The following NUTF2 variants were observed in gnomAD, a reference collection of about 807,000 sequenced individuals.
NUTF2 encodes the protein nuclear transport factor 2, also known as placental protein 15.
A neutral mutation model predicts 18.5 loss-of-function variants in NUTF2; 3 were observed. The ratio of observed to expected loss-of-function variants is 0.16; its 90% CI spans 0.07 to 0.42. The LOEUF is 0.42. Ranked by LOEUF, NUTF2 falls within the 10% of genes least tolerant of loss-of-function variation. The pLI is 0.99. For missense variants in NUTF2, 44 were observed against 160.7 expected, an observed-to-expected ratio of 0.27 and a Z score of 3.93; for synonymous variants, 51 against 57.9, an observed-to-expected ratio of 0.88 and a Z score of 0.54.
intron 1 of NUTF2, among the ~76,000 whole-genome samples, chr16:67,856,448 C>T (rs1275438912): frequency 1.3e-5 from 2 of 151,412 alleles, no homozygotes; most frequent in African/African-American, 4.9e-5. Context: ...CCTCGGCCTC[C>T]CAAAGTGCTG....
chr16:67,847,742 C>G (rs2057817185), intron 1 of NUTF2: 1 of 152,514 alleles, frequency 6.6e-6, no homozygotes, highest in Non-Finnish European at 1.5e-5. Context: ...CAGCCCACGC[C>G]CTTCTCTATC....
In NUTF2 at chr16:67,871,839, T is replaced by C. The variant is rs1283190837; in HGVS notation, c.*926T>C. 1 of 152,346 alleles carries C rather than the reference T, an allele frequency of 6.6e-6. No homozygotes were observed. The highest frequency in any genetic ancestry group is 2.4e-5 in the African/African-American group (1 of 41,442). 9.4% of individuals were successfully genotyped at this position (152,346 alleles called of 1,614,324 possible). A position where few individuals can be genotyped will look rare whatever the true frequency, so the allele number is the denominator to read the frequency against. ...AGCTCAGCTCCTGTCCCATCTGCTT[T>C]GGATATCTTTACCCAAAGGCAGGTA... On this transcript the variant is annotated 3_prime_UTR_variant, in exon 5 of 5. Coordinates refer to ENST00000219169, the MANE Select transcript of NUTF2 (RefSeq NM_005796.3).
At chr16:67,857,708 A>G (rs1163015635) in intron 1 of NUTF2, among the ~76,000 whole-genome samples, 3 of 152,246 alleles carry the variant, frequency 2.0e-5, no homozygotes, top group Non-Finnish European at 4.4e-5. Flanking sequence ...GCTAGAGGCC[A>G]GGTCTTTGAG....
At chr16:67,848,066 T>G (rs1319416491) in intron 1 of NUTF2, among the ~76,000 whole-genome samples, 1 of 152,256 alleles carries the variant, frequency 6.6e-6, no homozygotes, top group Non-Finnish European at 1.5e-5. Flanking sequence ...AGGAACCTGG[T>G]TGCTTTATGA....
Position 67,872,219 on chromosome 16 carries a change from TCA to T in NUTF2, c.*1307_*1308del, listed in dbSNP as rs1457821324. ...GCTAGAACCAAACCCAAGATTTGGGTCAGTGCCCTGTTAAGGGTTTTAGGATT... is the reference window on the plus strand; with the variant it reads ...GCTAGAACCAAACCCAAGATTTGGGTGTGCCCTGTTAAGGGTTTTAGGATT... On this transcript the variant is annotated 3_prime_UTR_variant, in exon 5 of 5. Transcript: ENST00000219169. The T allele has an allele frequency of 6.6e-5, 10 of 152,170 alleles. No homozygotes were observed. The highest frequency in any genetic ancestry group is 2.4e-4 in the African/African-American group (10 of 41,406). The allele number at this position is 152,170 out of a possible 1,614,324, so 9.4% of individuals were successfully genotyped here.
chr16:67,865,719 C>CTTT (rs767485714), intron 2 of NUTF2, among the ~76,000 whole-genome samples: 2 of 136,842 alleles, frequency 1.5e-5, no homozygotes, highest in Non-Finnish European at 1.6e-5. Context: ...GCTGGCTGCT[C>CTTT]TTTTTTTTTT....
At chr16:67,857,116 A>G (rs919338610) in intron 1 of NUTF2, among the ~76,000 whole-genome samples, 1 of 152,208 alleles carries the variant, frequency 6.6e-6, no homozygotes, top group African/African-American at 2.4e-5. Context: ...AGGGGTCTCA[A>G]GCCCCATTAG....
chr16:67,865,046 T>C (rs866803714), intron 1 of NUTF2, 56 bp from the exon 2 acceptor site: 12 of 852,380 alleles, frequency 1.4e-5, no homozygotes, highest in Middle Eastern at 7.0e-4. Flanking sequence ...GGTCAGTGGC[T>C]GGTCACCTAC....
At chr16:67,868,626 A>T in intron 4 of NUTF2, 27 bp downstream of exon 4, 1 of 1,598,388 alleles carries the variant, frequency 6.3e-7, no homozygotes, top group Non-Finnish European at 8.6e-7. Flanking sequence ...AGTGGTAGGG[A>T]GGGGTGGGCA....
intron 4 of NUTF2, 25 bp from the exon 5 acceptor site, chr16:67,870,775 T>C: frequency 6.4e-7 from 1 of 1,573,048 alleles, no homozygotes; most frequent in South Asian, 1.1e-5. Context: ...ATCCCCTTAC[T>C]GAATCCTCTT....
chr16:67,869,386 G>A (rs1235035335), intron 4 of NUTF2, among the ~76,000 whole-genome samples: 1 of 150,714 alleles, frequency 6.6e-6, no homozygotes, highest in Non-Finnish European at 1.5e-5. Flanking sequence ...ATTTCTCTTT[G>A]CATTTTCCTT....
At chr16:67,863,786 T>C (rs768932309) in intron 1 of NUTF2, among the ~76,000 whole-genome samples, 7 of 152,064 alleles carry the variant, frequency 4.6e-5, no homozygotes, top group Non-Finnish European at 1.0e-4. Context: ...CAGAAAAACA[T>C]GTGGGTCTGC....
At chr16:67,850,247 C>T (rs1242465473) in intron 1 of NUTF2, among the ~76,000 whole-genome samples, 2 of 150,780 alleles carry the variant, frequency 1.3e-5, no homozygotes, top group East Asian at 3.9e-4. Context: ...CTCTGTCTCA[C>T]AGGCTGGAGT....
chr16:67,851,505 G>T (rs1384782998), intron 1 of NUTF2, among the ~76,000 whole-genome samples: 7 of 151,416 alleles, frequency 4.6e-5, no homozygotes, highest in Non-Finnish European at 1.0e-4. Context: ...CCAGAATTTT[G>T]TTTTTTTTAT....
chr16:67,858,868 A>G (rs983235434), intron 1 of NUTF2, among the ~76,000 whole-genome samples: 1 of 149,390 alleles, frequency 6.7e-6, no homozygotes, highest in African/African-American at 2.5e-5. Flanking sequence ...CTCTGCCTTC[A>G]GGACACTTTT....
intron 1 of NUTF2, among the ~76,000 whole-genome samples, chr16:67,861,284 T>C (rs1005995591): frequency 6.6e-6 from 1 of 152,366 alleles, no homozygotes; most frequent in East Asian, 1.9e-4. Flanking sequence ...TCTTTGCACA[T>C]TTCTGTGCCT....
chr16:67,857,245 A>AG (rs1470603792), intron 1 of NUTF2, among the ~76,000 whole-genome samples: 1 of 152,048 alleles, frequency 6.6e-6, no homozygotes, highest in African/African-American at 2.4e-5. Context: ...GGGGAAAGGG[A>AG]GGTTACATAG....
chr16:67,848,946 C>T (rs1006087372), intron 1 of NUTF2, among the ~76,000 whole-genome samples: 1 of 152,144 alleles, frequency 6.6e-6, no homozygotes, highest in Admixed American at 6.6e-5. Flanking sequence ...GTCACTTCTT[C>T]CAAGTACTCT....
At chr16:67,867,792 A>G (rs897646171) in intron 2 of NUTF2, among the ~76,000 whole-genome samples, 5 of 152,134 alleles carry the variant, frequency 3.3e-5, no homozygotes, top group Admixed American at 2.6e-4. Flanking sequence ...GGTTCAAGCA[A>G]TTCTCCTGCC....
Sources: allele counts gnomAD v4.1 joint callset (sites outside exome capture counted in the v4.1 genomes callset), GRCh38; gene constraint gnomAD v4.1.1; transcripts MANE v1.5; gene names NCBI Gene and HGNC (gene_info 2026-07-23, HGNC 2026-07-21).